Variants in CDH4 observed in about 807,000 individuals in gnomAD.
CDH4 encodes the protein cadherin 4.
CDH4 carries 33 observed loss-of-function variants against 86.0 expected under a neutral mutation model. The ratio of observed to expected loss-of-function variants is 0.38; its 90% confidence interval spans 0.29 to 0.51. The LOEUF (loss-of-function observed/expected upper bound fraction) is 0.51, where lower values mean the gene tolerates loss of function less well. Among genes scored for constraint, CDH4 ranks in the 20% least tolerant of loss-of-function variants. The pLI, the probability that CDH4 is intolerant of heterozygous loss-of-function variation, is 0.86. For synonymous variants in CDH4, 555 were observed against 549.4 expected (o/e 1.01, Z -0.14); for missense variants, 1,114 against 1,307.4 (o/e 0.85, Z 2.28).
At chr20:61,465,439 T>C (rs1436997070) in intron 2 of CDH4, among the ~76,000 whole-genome samples, 1 of 152,194 alleles carries the variant, frequency 6.6e-6, no homozygotes, top group Admixed American at 6.5e-5. Flanking sequence ...TTCTAGCATA[T>C]GTATTTACCC....
intron 2 of CDH4, among the ~76,000 whole-genome samples, chr20:61,697,075 A>T (rs545143995): frequency 6.6e-6 from 1 of 152,290 alleles, no homozygotes; most frequent in East Asian, 1.9e-4. Flanking sequence ...ACACACCTTG[A>T]TCTCAGACTT....
intron 2 of CDH4, among the ~76,000 whole-genome samples, chr20:61,658,820 G>C (rs2087220306): frequency 6.6e-6 from 1 of 152,224 alleles, no homozygotes; most frequent in Non-Finnish European, 1.5e-5. Flanking sequence ...GACAGGCCTG[G>C]TGGGTGAGGC....
chr20:61,905,763 T>C (rs1439492467), intron 8 of CDH4, among the ~76,000 whole-genome samples: 3 of 151,946 alleles, frequency 2.0e-5, no homozygotes, highest in Admixed American at 6.6e-5. Context: ...GTTGTGGCTG[T>C]AGAGGAGGCC....
At chr20:61,934,299 C>T in intron 15 of CDH4, 79 bp downstream of exon 15, 3 of 1,437,898 alleles carry the variant, frequency 2.1e-6, no homozygotes, top group Admixed American at 2.5e-5. Flanking sequence ...ACACAGAAGC[C>T]ATCTCCACAG....
In CDH4 at chr20:61,684,595, G is replaced by C. The variant is rs974804552; in HGVS notation, c.170-58968G>C. 6.6e-6 allele frequency among the ~76,000 whole-genome samples: 1 copy of C among 152,306 alleles called. No individual in the cohort carries two copies. The highest frequency in any genetic ancestry group is 2.4e-5 in the African/African-American group (1 of 41,558). ...TGGGCTCCGTCCTGGGGGCTGAAAG[G>C]CTCCTGGGGGTTCAGTCTCTAACCT... is the stretch of plus-strand genomic sequence containing the variant. On this transcript the variant is annotated intron_variant, in intron 2 of 15. Coordinates refer to ENST00000614565, the MANE Select transcript of CDH4 (RefSeq NM_001794.5). This position sits in a 1 kb window ranked among gnomAD's most constrained non-coding sequence, Gnocchi z 4.5.
intron 2 of CDH4, among the ~76,000 whole-genome samples, chr20:61,484,689 TC>T (rs2085586393): frequency 6.6e-6 from 1 of 152,148 alleles, no homozygotes; most frequent in African/African-American, 2.4e-5. Flanking sequence ...ACCTGTGTGC[TC>T]ATCGGATCCC....
At chr20:61,697,619 A>C (rs968208925) in intron 2 of CDH4, among the ~76,000 whole-genome samples, 1 of 152,194 alleles carries the variant, frequency 6.6e-6, no homozygotes, top group Non-Finnish European at 1.5e-5. Context: ...AACAAAAAAA[A>C]GGAAATCCCT....
intron 4 of CDH4, among the ~76,000 whole-genome samples, chr20:61,841,410 C>T (rs1042062612): frequency 6.6e-6 from 1 of 152,182 alleles, no homozygotes; most frequent in Non-Finnish European, 1.5e-5. Flanking sequence ...TCTATCTAGA[C>T]GTTGCCCCAT....
At chr20:61,861,156 A>G (rs1379887906) in intron 6 of CDH4, among the ~76,000 whole-genome samples, 1 of 152,172 alleles carries the variant, frequency 6.6e-6, no homozygotes, top group Admixed American at 6.5e-5. Flanking sequence ...GCTGGTCTCC[A>G]CCGACGATCC....
rs34309371 is a variant in CDH4 at position 61,534,665 on chromosome 20, CTT to C, written c.170-208877_170-208876del. 3.8e-3 allele frequency among the ~76,000 whole-genome samples: 288 copies of C among 76,058 alleles called. 3 individuals carry two copies. The highest frequency in any genetic ancestry group is 0.012 in the South Asian group (27 of 2,190). 49.9% of individuals were successfully genotyped at this position (76,058 alleles called of 152,430 possible). On this transcript the variant is annotated intron_variant, in intron 2 of 15. Coordinates refer to ENST00000614565, the MANE Select transcript of CDH4 (RefSeq NM_001794.5). ...CTTTCTTTCTTTTCTTTCTTTCTTT[CTT>C]TTTTTTTTTTTTTTTTTTTTGAGGT...
At chr20:61,903,362 A>G (rs370581588) in intron 8 of CDH4, among the ~76,000 whole-genome samples, 4 of 152,198 alleles carry the variant, frequency 2.6e-5, no homozygotes, top group African/African-American at 7.2e-5. Flanking sequence ...CCTGGCCAAC[A>G]TGGTGAAACC....
intron 4 of CDH4, among the ~76,000 whole-genome samples, chr20:61,789,269 C>T (rs1186364469): frequency 6.6e-6 from 1 of 152,186 alleles, no homozygotes; most frequent in Non-Finnish European, 1.5e-5. Context: ...TGTTTGATTT[C>T]GGCTTTTGGG....
chr20:61,933,800 C>T (rs1423200239), intron 14 of CDH4, among the ~76,000 whole-genome samples: 6 of 152,170 alleles, frequency 3.9e-5, no homozygotes, highest in Non-Finnish European at 7.4e-5. Context: ...TGAGGTCACT[C>T]GGGGAGAGCC....
intron 2 of CDH4, among the ~76,000 whole-genome samples, chr20:61,280,419 G>T (rs1485457600): frequency 6.6e-6 from 1 of 152,226 alleles, no homozygotes; most frequent in African/African-American, 2.4e-5. Context: ...AGGACGCCAG[G>T]TGTAGGCCGC....
chr20:61,837,734 G>A (rs1203261360), intron 4 of CDH4, among the ~76,000 whole-genome samples: 6 of 147,684 alleles, frequency 4.1e-5, no homozygotes, highest in African/African-American at 5.1e-5. Context: ...AGCCCCCAGC[G>A]ACGCCGTTGT....
intron 7 of CDH4, among the ~76,000 whole-genome samples, chr20:61,888,083 C>T (rs1568868158): frequency 6.6e-6 from 1 of 152,160 alleles, no homozygotes; most frequent in Non-Finnish European, 1.5e-5. Context: ...GTGTCCACAG[C>T]GAGGCTGCCT....
intron 8 of CDH4, among the ~76,000 whole-genome samples, chr20:61,897,821 C>T (rs542657599): frequency 6.6e-6 from 1 of 152,362 alleles, no homozygotes; most frequent in East Asian, 1.9e-4. Flanking sequence ...GATCACGGGG[C>T]AGGGGAACGG....
intron 2 of CDH4, among the ~76,000 whole-genome samples, chr20:61,479,449 G>A (rs1600704060): frequency 6.6e-6 from 1 of 151,948 alleles, no homozygotes; most frequent in Admixed American, 6.5e-5. Flanking sequence ...AGAACATGCG[G>A]TGTTTGGTTT....
Position 61,917,195 on chromosome 20 carries a change from C to G in CDH4, c.1375-6256C>G, listed in dbSNP as rs1460062760. Among the ~76,000 whole-genome samples the G allele has an allele frequency of 2.0e-5, 3 of 152,204 alleles. No homozygotes were observed. The East Asian group carries it at 5.8e-4, about 29-fold the overall frequency. Reference sequence around the variant, plus strand: ...ATACCAGCCGGGGATGAGGAATGCGCCTTGCCACCTCCCAGGCTCTACCTG... The same window carrying G: ...ATACCAGCCGGGGATGAGGAATGCGGCTTGCCACCTCCCAGGCTCTACCTG... On this transcript the variant is annotated intron_variant, in intron 9 of 15. Transcript: ENST00000614565.
Sources: gnomAD v4.1 joint callset for allele counts (sites outside exome capture counted in the v4.1 genomes callset) on GRCh38, gnomAD v4.1.1 for gene constraint, Gnocchi (gnomAD v3.1) non-coding constraint, MANE v1.5 for transcripts, NCBI Gene and HGNC (gene_info 2026-07-23, HGNC 2026-07-21) for gene names.